The following CCDC3 variants were observed in gnomAD, a reference collection of about 807,000 sequenced individuals.
CCDC3 encodes the protein coiled-coil domain containing 3, also known as coiled-coil domain-containing protein 3.
CCDC3 carries 24 observed loss-of-function variants against 21.4 expected under a neutral mutation model. That is an observed-to-expected ratio of 1.12 (90% CI 0.81 to 1.58). The LOEUF (loss-of-function observed/expected upper bound fraction) is 1.58. CCDC3 is among the 40% of genes most tolerant of loss of function. The pLI is 0.00. For missense variants in CCDC3, 425 were observed against 360.9 expected, an observed-to-expected ratio of 1.18 and a Z score of -1.44; for synonymous variants, 186 against 166.0, an observed-to-expected ratio of 1.12 and a Z score of -0.93.
At chr10:12,923,312 T>A (rs1834481330) in intron 2 of CCDC3, among the ~76,000 whole-genome samples, 1 of 152,248 alleles carries the variant, frequency 6.6e-6, no homozygotes, top group South Asian at 2.1e-4. Flanking sequence ...GTCCTCCCTC[T>A]GACATCATTA....
chr10:12,978,156 C>T, intron 2 of CCDC3, among the ~76,000 whole-genome samples: 1 of 152,062 alleles, frequency 6.6e-6, no homozygotes, highest in East Asian at 1.9e-4. Context: ...GTAGCTGGGA[C>T]TATAGGCATG....
chr10:12,963,084 T>G (rs973310140), intron 2 of CCDC3, among the ~76,000 whole-genome samples: 1 of 152,218 alleles, frequency 6.6e-6, no homozygotes, highest in African/African-American at 2.4e-5. Flanking sequence ...CGTCTGCAGT[T>G]AAACACCACT....
chr10:13,093,854 A>G (rs1160680031), intron 3 of CCDC3, among the ~76,000 whole-genome samples: 2 of 152,232 alleles, frequency 1.3e-5, no homozygotes, highest in Admixed American at 1.3e-4. Flanking sequence ...AGCTAAAACT[A>G]TGTCTAAAAT....
chr10:12,996,376 C>T lies in CCDC3; in HGVS notation c.549+1962G>A, dbSNP rs556953990. The stretch of plus-strand genomic sequence containing the variant: ...TTTGAGATGGAGTCTTACTCTGTCG[C>T]CCAGGCTGGAGTGCAATGGTGTGAT... On this transcript the variant is annotated intron_variant, in intron 2 of 2. Coordinates refer to ENST00000378825, the MANE Select transcript of CCDC3 (RefSeq NM_031455.4). Among the ~76,000 whole-genome samples, 793 of 152,226 alleles carry T rather than the reference C, an allele frequency of 5.2e-3. 8 individuals carry two copies. The highest frequency in any genetic ancestry group is 0.018 in the African/African-American group (751 of 41,544).
chr10:13,048,476 G>C (rs1036682735), intron 5 of CCDC3, among the ~76,000 whole-genome samples: 2 of 152,154 alleles, frequency 1.3e-5, no homozygotes, highest in South Asian at 4.1e-4. Flanking sequence ...ACAGGTGTGA[G>C]CCACTGCACC....
At chr10:13,052,607 T>G (rs956956897) in intron 4 of CCDC3, among the ~76,000 whole-genome samples, 1 of 152,108 alleles carries the variant, frequency 6.6e-6, no homozygotes, top group African/African-American at 2.4e-5. Context: ...AAAATTTTGT[T>G]GAGGGTTGAT....
At chr10:12,925,011 A>T (rs1834513005) in intron 2 of CCDC3, among the ~76,000 whole-genome samples, 1 of 152,192 alleles carries the variant, frequency 6.6e-6, no homozygotes, top group Non-Finnish European at 1.5e-5. Flanking sequence ...ACAGGTGGGG[A>T]CAGTAGATTT....
chr10:13,065,477 T>C (rs185981280), intron 4 of CCDC3, among the ~76,000 whole-genome samples: 1 of 152,370 alleles, frequency 6.6e-6, no homozygotes, highest in East Asian at 1.9e-4. Context: ...TATTTCTCCT[T>C]GGAAGGTAGT....
intron 5 of CCDC3, among the ~76,000 whole-genome samples, chr10:13,044,066 G>A (rs998687411): frequency 1.3e-5 from 2 of 152,122 alleles, no homozygotes; most frequent in African/African-American, 4.8e-5. Context: ...GGTGTGAGAT[G>A]GTATCTCATT....
chr10:13,081,944 G>A (rs1402794123), intron 3 of CCDC3, among the ~76,000 whole-genome samples: 2 of 152,184 alleles, frequency 1.3e-5, no homozygotes, highest in Non-Finnish European at 2.9e-5. Flanking sequence ...CCTACAGCCT[G>A]TGACAGTGAA....
At chr10:13,025,626 C>A (rs540392840) in intron 5 of CCDC3, among the ~76,000 whole-genome samples, 1 of 152,252 alleles carries the variant, frequency 6.6e-6, no homozygotes, top group African/African-American at 2.4e-5. Context: ...TTTATGTTGT[C>A]TACGGTGACA....
upstream of CCDC3, among the ~76,000 whole-genome samples, chr10:13,006,170 T>C (rs548301872): frequency 6.6e-6 from 1 of 152,336 alleles, no homozygotes; most frequent in South Asian, 2.1e-4. Flanking sequence ...CTCTGCAGAA[T>C]AAATGTGATA....
chr10:12,973,365 A>C (rs1835370735), intron 2 of CCDC3, among the ~76,000 whole-genome samples: 1 of 152,066 alleles, frequency 6.6e-6, no homozygotes, highest in Non-Finnish European at 1.5e-5. Flanking sequence ...GAGGGGGAGG[A>C]GGCTCTCCAG....
intron 3 of CCDC3, among the ~76,000 whole-genome samples, chr10:13,097,123 T>C (rs1369076473): frequency 2.6e-5 from 4 of 152,106 alleles, no homozygotes. Context: ...CAGATTAGGA[T>C]CTCACTAAAA....
chr10:12,922,373 C>T (rs1265306851), intron 2 of CCDC3, among the ~76,000 whole-genome samples: 1 of 152,010 alleles, frequency 6.6e-6, no homozygotes, highest in African/African-American at 2.4e-5. Context: ...TCCCACCCTC[C>T]CATCTGTGTC....
intron 3 of CCDC3, among the ~76,000 whole-genome samples, chr10:13,083,935 A>C (rs1837073042): frequency 6.6e-6 from 1 of 152,224 alleles, no homozygotes; most frequent in African/African-American, 2.4e-5. Context: ...TTGCTGAGAA[A>C]ACTTTTTGTC....
chr10:12,968,156 G>A lies in CCDC3; in HGVS notation c.549+30182C>T, dbSNP rs565438300. Among the ~76,000 whole-genome samples, 5 of 143,694 alleles carry A rather than the reference G, an allele frequency of 3.5e-5. No homozygotes were observed. In the East Asian group the frequency reaches 1.1e-3, roughly 31 times the overall value. The allele number at this position is 143,694 out of a possible 152,430, so 94.3% of individuals were successfully genotyped here. ...TGTACTCCAGCCTGGGTGAAAGAGC[G>A]AGACTTCACCTCAGAAAAAAAAAAG... On this transcript the variant is annotated intron_variant, in intron 2 of 2. Coordinates refer to ENST00000378825, the MANE Select transcript of CCDC3 (RefSeq NM_031455.4).
intron 2 of CCDC3, among the ~76,000 whole-genome samples, chr10:12,957,476 G>A (rs1012095190): frequency 5.3e-5 from 8 of 152,216 alleles, no homozygotes; most frequent in African/African-American, 1.4e-4. Flanking sequence ...AAAGAAAGCC[G>A]ACGACATAGT....
intron 2 of CCDC3, among the ~76,000 whole-genome samples, chr10:12,914,296 TA>T (rs1476733506): frequency 2.6e-5 from 4 of 152,320 alleles, no homozygotes; most frequent in Non-Finnish European, 4.4e-5. Flanking sequence ...ACTCATGACT[TA>T]ATCATAGTAG....
Sources: allele counts gnomAD v4.1 joint callset (sites outside exome capture counted in the v4.1 genomes callset), GRCh38; gene constraint gnomAD v4.1.1; transcripts MANE v1.5; gene names NCBI Gene and HGNC (gene_info 2026-07-23, HGNC 2026-07-21).